ARFGAP1: variants seen among roughly 807,000 people sequenced by gnomAD.
ARFGAP1 encodes the protein ADP-ribosylation factor GTPase-activating protein 1.
ARFGAP1 carries 26 observed loss-of-function variants against 54.0 expected under a neutral mutation model. That is an observed-to-expected ratio of 0.48 (90% CI 0.35 to 0.67). The LOEUF is 0.67. ARFGAP1 is among the 30% of genes least tolerant of loss of function. The probability of loss-of-function intolerance (pLI) is 0.00; values close to 1 mark genes in which losing one functional copy is unlikely to be tolerated. For synonymous variants in ARFGAP1, 248 were observed against 211.9 expected, an observed-to-expected ratio of 1.17 and a Z score of -1.48; for missense variants, 525 against 535.8, an observed-to-expected ratio of 0.98 and a Z score of 0.20.
intron 1 of ARFGAP1, among the ~76,000 whole-genome samples, chr20:63,275,157 C>G (rs541557082): frequency 6.6e-6 from 1 of 152,334 alleles, no homozygotes; most frequent in South Asian, 2.1e-4. Context: ...TGGCAGTGAT[C>G]AGCCCAAGTG....
intron 9 of ARFGAP1, chr20:63,283,197 G>A: frequency 2.4e-6 from 1 of 424,074 alleles, no homozygotes; most frequent in Non-Finnish European, 4.3e-6. Flanking sequence ...AAGGGCCGCT[G>A]TGGTTGGTGC....
chr20:63,283,780 G>C, intron 9 of ARFGAP1: 1 of 1,584,164 alleles, frequency 6.3e-7, no homozygotes, highest in Admixed American at 1.7e-5. Context: ...TGGGTTCGAA[G>C]GCGCTGCTGG....
chr20:63,277,578 A>C (rs2067266670), intron 5 of ARFGAP1, among the ~76,000 whole-genome samples: 1 of 152,156 alleles, frequency 6.6e-6, no homozygotes, highest in African/African-American at 2.4e-5. Context: ...GTGGGAGTTC[A>C]CATCTCCATC....
intron 9 of ARFGAP1, 197 bp downstream of exon 9, chr20:63,283,048 C>A: frequency 1.7e-6 from 1 of 602,826 alleles, no homozygotes; most frequent in Non-Finnish European, 2.9e-6. Flanking sequence ...TGGACCCACT[C>A]AGGGCCTGCA....
chr20:63,281,343 A>C lies in ARFGAP1; in HGVS notation c.680A>C (p.Glu227Ala). 1 of 1,596,842 alleles carries C rather than the reference A, an allele frequency of 6.3e-7. No homozygotes were observed. Among genetic ancestry groups the C allele is most frequent in the African/African-American group, 1.3e-5 (1 of 74,958 alleles). The change falls in exon 8 of 13, where the codon GAG (glutamate) becomes GCG (alanine). Residue 227 changes from glutamate to alanine, a missense_variant. This residue lies in a region of ARFGAP1 where 466 missense variants were observed against 453.6 expected (regional missense o/e 1.03). Transcript: ENST00000370283. ...AGCCGGTTTGCCTCGGCAGCCAAGG[A>C]GGGCGTAAGTCACTGCCCCTGCCAT... ...GASRFASAAK[E>A]GATKFGSQAS...
intron 6 of ARFGAP1, 53 bp downstream of exon 6, chr20:63,278,256 A>G: frequency 6.3e-7 from 1 of 1,586,642 alleles, no homozygotes. Context: ...CACAGGGTTC[A>G]GTCTGGTGGG....
chr20:63,279,148 T>A (rs1000620740), intron 7 of ARFGAP1, 153 bp downstream of exon 7: 137 of 793,226 alleles, frequency 1.7e-4, no homozygotes, highest in Middle Eastern at 5.2e-4. Context: ...GACGTTTTCT[T>A]TCAAAAATGT....
intron 5 of ARFGAP1, among the ~76,000 whole-genome samples, chr20:63,277,653 C>T (rs2067268638): frequency 6.6e-6 from 1 of 152,192 alleles, no homozygotes; most frequent in Non-Finnish European, 1.5e-5. Flanking sequence ...CTGGCCCTGG[C>T]ACCCTTGAAC....
intron 9 of ARFGAP1, chr20:63,283,932 G>A (rs1395441305): frequency 6.2e-7 from 1 of 1,609,552 alleles, no homozygotes; most frequent in Middle Eastern, 1.7e-4. Flanking sequence ...CCGAGAATGT[G>A]CTTGGCTTCC....
At position 63,277,211 on chromosome 20, in the gene ARFGAP1, G is replaced by A. The variant is rs368286012; in HGVS notation, c.349G>A (p.Ala117Thr). The A allele has an allele frequency of 1.5e-5, 24 of 1,611,882 alleles. No individual in the cohort carries two copies. The highest frequency in any genetic ancestry group is 4.0e-5 in the African/African-American group (3 of 75,006). ...AAALFRDKVVALAEGREWSLE... is the reference protein window; with the variant it reads ...AAALFRDKVVTLAEGREWSLE... ...CCCTGTGTCTCCTTGTCAGGTGGTC[G>A]CTCTGGCCGAAGGCAGAGAGTGGTC... The change falls in exon 5 of 13, where the codon GCT becomes ACT. Residue 117 changes from alanine (A) to threonine (T), a missense_variant. Transcript: ENST00000370283.
In ARFGAP1 at chr20:63,287,452, G is replaced by A. The variant is rs547914253; in HGVS notation, c.912-112G>A. 1.7e-4 allele frequency: 169 copies of A among 1,010,876 alleles called. 1 individual carries two copies. The African/African-American group carries it at 2.2e-3, about 13-fold the overall frequency. The allele number at this position is 1,010,876 out of a possible 1,614,324, so 62.6% of individuals were successfully genotyped here. ...GGTGGGGCTGCTGTGGACCCTGAGC[G>A]CTGGCCTGGGAAGGCGGTCACTGTC... On this transcript the variant is annotated intron_variant, in intron 12 of 12. Transcript: ENST00000370283.
At chr20:63,286,217 C>G (rs2067536419) in intron 11 of ARFGAP1, 149 bp from the exon 12 acceptor site, 1 of 1,548,142 alleles carries the variant, frequency 6.5e-7, no homozygotes, top group Non-Finnish European at 8.7e-7. Flanking sequence ...GCGTCTGTGT[C>G]TGTACGTGTG....
At chr20:63,279,509 A>C (rs748837900) in intron 7 of ARFGAP1, among the ~76,000 whole-genome samples, 13 of 152,108 alleles carry the variant, frequency 8.5e-5, no homozygotes, top group Non-Finnish European at 1.3e-4. Context: ...CCCGGCCATC[A>C]CTTACTTCTA....
At chr20:63,275,350 G>A (rs1245356713) in intron 1 of ARFGAP1, among the ~76,000 whole-genome samples, 1 of 152,104 alleles carries the variant, frequency 6.6e-6, no homozygotes, top group Admixed American at 6.5e-5. Flanking sequence ...CCTGATCATC[G>A]CCCTGGCCGC....
In ARFGAP1 at chr20:63,280,112, G is replaced by C. The variant is rs377118491; in HGVS notation, c.627+1117G>C. Among the ~76,000 whole-genome samples, 467 of 152,052 alleles carry C rather than the reference G, an allele frequency of 3.1e-3. 5 individuals are homozygous for C. The highest frequency in any genetic ancestry group is 9.9e-3 in the African/African-American group (409 of 41,490). Reference sequence around the variant, plus strand: ...AGCCGAGACAGCACCATTGCACTCCGACCTGGGCGACAGAGTCCGACTCCA... The same window carrying C: ...AGCCGAGACAGCACCATTGCACTCCCACCTGGGCGACAGAGTCCGACTCCA... On this transcript the variant is annotated intron_variant, in intron 7 of 12. Transcript: ENST00000370283.
Position 63,276,292 on chromosome 20 carries a change from G to A in ARFGAP1, c.170+92G>A, listed in dbSNP as rs903177416. ...AGAGGTGCTGACGCCAGGGAAGCTT[G>A]GGGGCCACCTCCCATTGCATTGCCA... On this transcript the variant is annotated intron_variant, in intron 3 of 12. Transcript: ENST00000370283. The surrounding 1 kb of genome is among the most constrained non-coding windows in gnomAD (Gnocchi z 5.2). The A allele has an allele frequency of 1.0e-5, 15 of 1,467,386 alleles. No homozygotes were observed. Among genetic ancestry groups the A allele is most frequent in the Non-Finnish European group, 1.2e-5 (13 of 1,057,204 alleles). The allele number at this position is 1,467,386 out of a possible 1,614,324, so 90.9% of individuals were successfully genotyped here. A position where few individuals can be genotyped will look rare whatever the true frequency, so the allele number is the denominator to read the frequency against.
chr20:63,278,047 G>A, intron 5 of ARFGAP1, 70 bp from the exon 6 acceptor site: 1 of 1,423,702 alleles, frequency 7.0e-7, no homozygotes, highest in Non-Finnish European at 9.9e-7. Flanking sequence ...CATGGTTCTG[G>A]GGGTGCTTCT....
chr20:63,279,544 C>CT (rs2067323946), intron 7 of ARFGAP1, among the ~76,000 whole-genome samples: 1 of 152,170 alleles, frequency 6.6e-6, no homozygotes. Context: ...TATTTCAAAT[C>CT]TAACAACAGC....
At chr20:63,275,673 G>A in intron 2 of ARFGAP1, 33 bp downstream of exon 2, 3 of 1,606,498 alleles carry the variant, frequency 1.9e-6, no homozygotes, top group Non-Finnish European at 2.6e-6. Context: ...CCGCCCTAAG[G>A]CTTGGTCAGG....
Sources: gnomAD v4.1 joint callset for allele counts (sites outside exome capture counted in the v4.1 genomes callset) on GRCh38, gnomAD v4.1.1 for gene constraint, gnomAD v4.1.1 regional missense constraint, Gnocchi (gnomAD v3.1) non-coding constraint, MANE v1.5 for transcripts, NCBI Gene and HGNC (gene_info 2026-07-23, HGNC 2026-07-21) for gene names.